Variants in OR10J1 observed in about 807,000 individuals in gnomAD.
The protein encoded by OR10J1 is olfactory receptor 10J1.
For synonymous variants in OR10J1, 202 were observed against 143.8 expected (o/e 1.40, Z -2.89); for missense variants, 474 against 376.6 (o/e 1.26, Z -2.14).
At chr1:159,425,864 G>T in the OR10J1 span, among the ~76,000 whole-genome samples, 1 of 151,898 alleles carries the variant, frequency 6.6e-6, no homozygotes, top group Non-Finnish European at 1.5e-5. Context: ...GAAACATAAA[G>T]ATGCATAACA....
Position 159,440,002 on chromosome 1 carries a change from A to G in OR10J1, c.211A>G (p.Thr71Ala). The G allele has an allele frequency of 6.2e-7, 1 of 1,614,120 alleles. No homozygotes were observed. The highest frequency in any genetic ancestry group is 8.5e-7 in the Non-Finnish European group (1 of 1,180,024). Residue 71 changes from threonine to alanine, a missense_variant, in exon 1 of 1, where the codon ACT becomes GCT. Thr to Ala is a moderately conservative substitution (Grantham distance 58). Transcript: ENST00000423932. ...CCTGAGCATGCTGTCCACTTCAGAG[A>G]CTGTATATACATTGGTCATTCTCCC... The part of the protein sequence containing the change: ...FFLSMLSTSE[T>A]VYTLVILPRM...
chr1:159,414,713 A>G, the OR10J1 span, among the ~76,000 whole-genome samples: 1 of 151,974 alleles, frequency 6.6e-6, no homozygotes, highest in African/African-American at 2.4e-5. Context: ...CCAATATTGT[A>G]TAAGAGTTCC....
the OR10J1 span, among the ~76,000 whole-genome samples, chr1:159,423,322 C>A: frequency 6.6e-6 from 1 of 152,286 alleles, no homozygotes; most frequent in Admixed American, 6.5e-5. Flanking sequence ...TTGACTGTGA[C>A]AATTCTCTGT....
At chr1:159,405,731 A>G in the OR10J1 span, 2 of 834,724 alleles carry the variant, frequency 2.4e-6, no homozygotes, top group Admixed American at 1.8e-5. Context: ...TAGGAGATAA[A>G]GATCAGGGCA....
the OR10J1 span, among the ~76,000 whole-genome samples, chr1:159,430,640 G>GGTGTGTGTGTGTGTGTGTGT: frequency 9.8e-4 from 138 of 140,928 alleles, no homozygotes; most frequent in Non-Finnish European, 1.7e-3. Context: ...AAAAAATTAT[G>GGTGTGTGTGTGTGTGTGTGT]GTGTGTGTGT....
the OR10J1 span, chr1:159,432,730 C>T: frequency 2.5e-6 from 1 of 402,968 alleles, no homozygotes; most frequent in African/African-American, 2.1e-5. Flanking sequence ...AATCTCATCT[C>T]CCACTTCTTT....
Position 159,440,552 on chromosome 1 carries a change from C to T in OR10J1, c.761C>T (p.Ala254Val), listed in dbSNP as rs148777598. 111 of 1,613,922 alleles carry T rather than the reference C, an allele frequency of 6.9e-5. No individual in the cohort carries two copies. The highest frequency in any genetic ancestry group is 9.1e-5 in the Non-Finnish European group (107 of 1,179,988). The stretch of plus-strand genomic sequence containing the variant: ...GTGGTCATTGTCCACTACAGCTGTG[C>T]CTCCATTGCCTACCTCAAGCCCAAG... ...LTVVIVHYSC[A>V]SIAYLKPKSE... Residue 254 changes from alanine to valine, a missense_variant, in exon 1 of 1, where the codon GCC (alanine) becomes GTC (valine). By Grantham distance (64) the Ala-to-Val change is moderately conservative. Coordinates refer to ENST00000423932, the MANE Select transcript of OR10J1 (RefSeq NM_012351.3).
upstream of OR10J1, among the ~76,000 whole-genome samples, chr1:159,433,814 C>T (rs754502211): frequency 3.9e-5 from 6 of 152,076 alleles, no homozygotes; most frequent in African/African-American, 9.7e-5. Flanking sequence ...GACTTCACTG[C>T]GAGTGCTCTT....
the OR10J1 span, chr1:159,406,195 G>T: frequency 5.8e-6 from 3 of 518,578 alleles, no homozygotes; most frequent in Non-Finnish European, 7.9e-6. Context: ...GTACATGGGG[G>T]TGTGGAGGTG....
At chr1:159,402,298 T>A in the OR10J1 span, among the ~76,000 whole-genome samples, 2 of 151,892 alleles carry the variant, frequency 1.3e-5, no homozygotes, top group African/African-American at 2.4e-5. Flanking sequence ...GCATCCAAAT[T>A]GGAAAGGAAA....
chr1:159,434,891 A>G (rs191629794), upstream of OR10J1, among the ~76,000 whole-genome samples: 2 of 152,226 alleles, frequency 1.3e-5, no homozygotes, highest in East Asian at 3.9e-4. Flanking sequence ...GTCACTCTTG[A>G]TATGGACACA....
the OR10J1 span, among the ~76,000 whole-genome samples, chr1:159,410,842 A>G: frequency 6.7e-6 from 1 of 150,212 alleles, no homozygotes; most frequent in Non-Finnish European, 1.5e-5. Flanking sequence ...ATTTAGTGCT[A>G]TAAATTTCCC....
chr1:159,428,814 G>A, the OR10J1 span, among the ~76,000 whole-genome samples: 1 of 152,162 alleles, frequency 6.6e-6, no homozygotes, highest in Non-Finnish European at 1.5e-5. Context: ...TTCCATGCTT[G>A]TCAGTCTCTC....
chr1:159,427,690 C>A, the OR10J1 span, among the ~76,000 whole-genome samples: 2 of 152,022 alleles, frequency 1.3e-5, no homozygotes, highest in Non-Finnish European at 2.9e-5. Flanking sequence ...AAAACAACAT[C>A]ATGCTCAGAG....
the OR10J1 span, among the ~76,000 whole-genome samples, chr1:159,428,173 A>G: frequency 6.6e-6 from 1 of 152,208 alleles, no homozygotes; most frequent in Non-Finnish European, 1.5e-5. Flanking sequence ...ATATTTCATA[A>G]CCAAATGCAA....
chr1:159,440,404 G>T lies in OR10J1; in HGVS notation c.613G>T (p.Val205Leu). The T allele has an allele frequency of 6.2e-7, 1 of 1,614,124 alleles. No individual in the cohort carries two copies. Among genetic ancestry groups the T allele is most frequent in the Non-Finnish European group, 8.5e-7 (1 of 1,180,028 alleles). ...CCTGACTTTGATTATCAGTGTGCTG[G>T]TGCTTGTTGTACCTATGGGTCTGGT... ...EILTLIISVL[V>L]LVVPMGLVFI... Residue 205 changes from valine to leucine, a missense_variant, in exon 1 of 1, where the codon GTG (valine) becomes TTG (leucine). Transcript: ENST00000423932.
the OR10J1 span, among the ~76,000 whole-genome samples, chr1:159,409,869 C>T: frequency 6.6e-6 from 1 of 152,062 alleles, no homozygotes; most frequent in African/African-American, 2.4e-5. Flanking sequence ...TGAGATACGT[C>T]CCATCAATAC....
the OR10J1 span, among the ~76,000 whole-genome samples, chr1:159,413,409 A>T: frequency 2.4e-3 from 362 of 152,048 alleles, no homozygotes; most frequent in African/African-American, 8.2e-3. Context: ...TTGTGGCACT[A>T]TTCACAATAG....
At chr1:159,429,248 C>G in the OR10J1 span, among the ~76,000 whole-genome samples, 1 of 152,212 alleles carries the variant, frequency 6.6e-6, no homozygotes, top group Non-Finnish European at 1.5e-5. Flanking sequence ...TTCCCAGTTT[C>G]TGCTGTATTC....
Sources: allele counts gnomAD v4.1 joint callset (sites outside exome capture counted in the v4.1 genomes callset), GRCh38; gene constraint gnomAD v4.1.1; transcripts MANE v1.5; gene names NCBI Gene and HGNC (gene_info 2026-07-23, HGNC 2026-07-21).